UNC13B: variants seen among roughly 807,000 people sequenced by gnomAD.
UNC13B encodes the protein protein unc-13 homolog B.
Under a neutral mutation model 211.0 loss-of-function variants are expected in UNC13B, and 144 were observed. That is an observed-to-expected ratio of 0.68 (90% CI 0.60 to 0.78). The LOEUF (loss-of-function observed/expected upper bound fraction) is 0.78. Among genes scored for constraint, UNC13B ranks in the 30% least tolerant of loss-of-function variants. The probability of loss-of-function intolerance (pLI) is 0.00; values close to 1 mark genes in which losing one functional copy is unlikely to be tolerated. For synonymous variants in UNC13B, 709 were observed against 725.8 expected (o/e 0.98, Z 0.37); for missense variants, 1,777 against 2,002.0 (o/e 0.89, Z 2.14).
Position 35,367,132 on chromosome 9 carries a change from G to T in UNC13B, c.9461+139G>T, listed in dbSNP as rs77663291. ...AAAAGGTTCCACTATAGGTTGGTTG[G>T]TTCTCTGAGGCAGAGGAGAGAACTC... is the stretch of plus-strand genomic sequence containing the variant. On this transcript the variant is annotated intron_variant, in intron 12 of 39. Coordinates refer to ENST00000635942, the MANE Select transcript of UNC13B (RefSeq NM_001371189.2). 1.0e-3 allele frequency: 787 copies of T among 790,836 alleles called. 9 individuals carry two copies. The East Asian group carries it at 0.02, about 20-fold the overall frequency. 49.0% of individuals were successfully genotyped at this position (790,836 alleles called of 1,614,324 possible).
intron 1 of UNC13B, among the ~76,000 whole-genome samples, chr9:35,218,693 G>A (rs578083634): frequency 8.6e-5 from 13 of 151,928 alleles, no homozygotes; most frequent in African/African-American, 2.9e-4. Context: ...CACCGCGTCT[G>A]GTTAAGTGGT....
intron 7 of UNC13B, among the ~76,000 whole-genome samples, chr9:35,260,059 A>AAAAC (rs1827182134): frequency 2.0e-5 from 3 of 149,922 alleles, no homozygotes; most frequent in Admixed American, 1.3e-4. Context: ...AAAAAAAAAA[A>AAAAC]AAAAACCAAG....
intron 35 of UNC13B, 28 bp from the exon 36 acceptor site, chr9:35,399,621 T>C: frequency 6.2e-7 from 1 of 1,613,502 alleles, no homozygotes; most frequent in Non-Finnish European, 8.5e-7. Context: ...CTGTGAGCTG[T>C]CCTGATGCTG....
chr9:35,257,324 AAAATATTTATAT>A (rs1564097651), intron 6 of UNC13B, among the ~76,000 whole-genome samples: 61 of 120,050 alleles, frequency 5.1e-4, no homozygotes, highest in African/African-American at 2.0e-3. Flanking sequence ...AATATTTATA[AAAATATTTATAT>A]AAATATTTAT....
At chr9:35,310,325 T>G in intron 9 of UNC13B, 142 bp from the exon 10 acceptor site, 1 of 836,492 alleles carries the variant, frequency 1.2e-6, no homozygotes. Flanking sequence ...TTCTAGATTA[T>G]GAAGTTTGGT....
rs180718467 is a variant in UNC13B at position 35,165,713 on chromosome 9, G to A, written c.22+3408G>A. Among the ~76,000 whole-genome samples the A allele has an allele frequency of 3.1e-3, 473 of 152,098 alleles. 3 individuals are homozygous for A. Among genetic ancestry groups the A allele is most frequent in the Middle Eastern group, 0.024 (7 of 294 alleles). ...ATTACAGGCGTGAGCCACTGCGCCC[G>A]GCCTAGACTTGAATTTTTAAGAAAC... On this transcript the variant is annotated intron_variant, in intron 1 of 39. Coordinates refer to ENST00000635942, the MANE Select transcript of UNC13B (RefSeq NM_001371189.2).
chr9:35,180,359 A>G (rs532269411), intron 1 of UNC13B, among the ~76,000 whole-genome samples: 1 of 152,342 alleles, frequency 6.6e-6, no homozygotes, highest in South Asian at 2.1e-4. Flanking sequence ...GAAGCCTAGC[A>G]GTGATATCTA....
chr9:35,315,440 C>T lies in UNC13B; in HGVS notation c.9414+1451C>T, dbSNP rs142080538. ...ACAGTAAAGAACTACTATGTCTCCT[C>T]ACCCAGATGCTCCAACTATTCACAT... On this transcript the variant is annotated intron_variant, in intron 11 of 39. Transcript: ENST00000635942. Among the ~76,000 whole-genome samples, 926 of 152,310 alleles carry T rather than the reference C, an allele frequency of 6.1e-3. 7 individuals carry two copies. Among genetic ancestry groups the T allele is most frequent in the Admixed American group, 9.8e-3 (150 of 15,294 alleles).
rs1330843217 is a variant in UNC13B at position 35,307,242 on chromosome 9, C to G, written c.7838C>G (p.Ser2613Cys). Reference sequence around the variant, plus strand: ...CGTTCTGAAACAATTAATACATCTTCTTTCTCGGGTGATGATACTGGGCAA... The same window carrying G: ...CGTTCTGAAACAATTAATACATCTTGTTTCTCGGGTGATGATACTGGGCAA... ...PQRSETINTS[S>C]FSGDDTGQGV... Residue 2613 changes from serine to cysteine, a missense_variant, in exon 9 of 40, where the codon TCT becomes TGT. Transcript: ENST00000635942. 2.5e-6 allele frequency: 1 copy of G among 398,818 alleles called. No individual in the cohort carries two copies. Among genetic ancestry groups the G allele is most frequent in the Non-Finnish European group, 4.4e-6 (1 of 226,074 alleles). The allele number at this position is 398,818 out of a possible 1,614,324, so 24.7% of individuals were successfully genotyped here.
At chr9:35,403,396 G>C (rs1350817740) in intron 38 of UNC13B, 44 bp from the exon 39 acceptor site, 52 of 1,608,424 alleles carry the variant, frequency 3.2e-5, no homozygotes, top group Non-Finnish European at 4.2e-5. Context: ...CAAGAACTGG[G>C]AAATCCTGGT....
At chr9:35,395,358 G>A (rs544271043) in intron 26 of UNC13B, among the ~76,000 whole-genome samples, 4 of 152,342 alleles carry the variant, frequency 2.6e-5, no homozygotes, top group Non-Finnish European at 2.9e-5. Context: ...TGCAGTGCCA[G>A]GGAATGAAAT....
intron 1 of UNC13B, among the ~76,000 whole-genome samples, chr9:35,183,090 G>GAT (rs61642427): frequency 1.0e-5 from 1 of 99,774 alleles, no homozygotes; most frequent in Non-Finnish European, 2.5e-5. Flanking sequence ...CCTCCCAGAC[G>GAT]GGGCGGCCTG....
At position 35,257,546 on chromosome 9, in the gene UNC13B, A is replaced by G. The variant is rs542914731; in HGVS notation, c.469-1447A>G. Reference sequence around the variant, plus strand: ...CAGTGAGCCGAAATAGCTCCACTGCACTCCAGCCTGGGAGAAAGAGTGAGA... The same window carrying G: ...CAGTGAGCCGAAATAGCTCCACTGCGCTCCAGCCTGGGAGAAAGAGTGAGA... On this transcript the variant is annotated intron_variant, in intron 6 of 39. Coordinates refer to ENST00000635942, the MANE Select transcript of UNC13B (RefSeq NM_001371189.2). Among the ~76,000 whole-genome samples, 97 of 129,356 alleles carry G rather than the reference A, an allele frequency of 7.5e-4. 1 individual carries two copies. In the East Asian group the frequency reaches 0.022, roughly 29 times the overall value. The allele number at this position is 129,356 out of a possible 152,430, so 84.9% of individuals were successfully genotyped here.
intron 7 of UNC13B, among the ~76,000 whole-genome samples, chr9:35,282,028 T>C (rs1376029839): frequency 6.6e-6 from 1 of 152,188 alleles, no homozygotes; most frequent in Admixed American, 6.5e-5. Flanking sequence ...TATTTTATCT[T>C]GAAGGCAAGG....
chr9:35,331,400 A>G (rs1277316077), intron 11 of UNC13B, among the ~76,000 whole-genome samples: 1 of 152,102 alleles, frequency 6.6e-6, no homozygotes, highest in East Asian at 1.9e-4. Context: ...GGAGTGCATC[A>G]CCACACCCGG....
chr9:35,276,911 T>C (rs985536499), intron 7 of UNC13B, among the ~76,000 whole-genome samples: 4 of 152,260 alleles, frequency 2.6e-5, no homozygotes, highest in Admixed American at 2.6e-4. Context: ...ACAAAAGTTT[T>C]AGAGCATAAT....
intron 6 of UNC13B, among the ~76,000 whole-genome samples, chr9:35,251,416 G>A (rs930211502): frequency 1.3e-5 from 2 of 152,006 alleles, no homozygotes; most frequent in African/African-American, 2.4e-5. Context: ...GTGAAAACCC[G>A]TCTCTACTAA....
intron 5 of UNC13B, 75 bp downstream of exon 5, chr9:35,237,901 G>A (rs894861124): frequency 2.3e-5 from 33 of 1,461,690 alleles, no homozygotes; most frequent in Middle Eastern, 3.9e-4. Context: ...TTTCATTAAT[G>A]TATATTTTGT....
intron 1 of UNC13B, among the ~76,000 whole-genome samples, chr9:35,168,623 T>C (rs1329170825): frequency 6.6e-6 from 1 of 152,184 alleles, no homozygotes; most frequent in Non-Finnish European, 1.5e-5. Context: ...TCTGCTCTTG[T>C]AAGTAAGTTT....
Sources: allele counts gnomAD v4.1 joint callset (sites outside exome capture counted in the v4.1 genomes callset), GRCh38; gene constraint gnomAD v4.1.1; transcripts MANE v1.5; gene names NCBI Gene and HGNC (gene_info 2026-07-23, HGNC 2026-07-21).